Variants in BABAM2 observed in about 807,000 individuals in gnomAD.
BABAM2 encodes BRISC and BRCA1-A complex member 2.
BABAM2 carries 31 observed loss-of-function variants against 54.7 expected under a neutral mutation model. The ratio of observed to expected loss-of-function variants is 0.57; its 90% CI spans 0.43 to 0.77. BABAM2 has a LOEUF of 0.77. BABAM2 is among the 30% of genes least tolerant of loss of function. The pLI is 0.00. For synonymous variants in BABAM2, 167 were observed against 162.9 expected, an observed-to-expected ratio of 1.03 and a Z score of -0.19; for missense variants, 364 against 455.8, an observed-to-expected ratio of 0.80 and a Z score of 1.83.
chr2:27,977,560 A>C (rs1671690130), intron 3 of BABAM2, among the ~76,000 whole-genome samples: 1 of 152,228 alleles, frequency 6.6e-6, no homozygotes, highest in Non-Finnish European at 1.5e-5. Context: ...ACTACTGATG[A>C]GGCTGCCAAA....
chr2:28,158,285 C>T (rs1002836547), intron 7 of BABAM2, among the ~76,000 whole-genome samples: 2 of 152,148 alleles, frequency 1.3e-5, no homozygotes, highest in African/African-American at 4.8e-5. Context: ...AGGTTTAAAT[C>T]AGCAAGATAG....
intron 3 of BABAM2, among the ~76,000 whole-genome samples, chr2:27,957,943 G>A (rs1374949939): frequency 6.6e-6 from 1 of 152,208 alleles, no homozygotes; most frequent in Non-Finnish European, 1.5e-5. Flanking sequence ...TTGCCATGCT[G>A]TCAGGTAGCC....
At chr2:27,903,577 C>G (rs185843057) in intron 2 of BABAM2, among the ~76,000 whole-genome samples, 1 of 152,236 alleles carries the variant, frequency 6.6e-6, no homozygotes, top group African/African-American at 2.4e-5. Context: ...ATACTAGTCC[C>G]CCCTTCTCAT....
chr2:27,972,371 G>A (rs532315730), intron 3 of BABAM2, among the ~76,000 whole-genome samples: 1 of 152,248 alleles, frequency 6.6e-6, no homozygotes, highest in East Asian at 1.9e-4. Flanking sequence ...TTTTTTCAAC[G>A]GGTAATAACT....
At position 28,230,354 on chromosome 2, in the gene BABAM2, T is replaced by C. The variant is rs531606075; in HGVS notation, c.681-6848T>C. ...TCTTGAGATGGCTCAAAGTTGAATC[T>C]ATAAAATGAGTTGAGAGCTAACAAC... On this transcript the variant is annotated intron_variant, in intron 7 of 11. Coordinates refer to ENST00000379624, the MANE Select transcript of BABAM2 (RefSeq NM_199191.3). Among the ~76,000 whole-genome samples the C allele has an allele frequency of 1.1e-4, 16 of 152,218 alleles. No individual in the cohort carries two copies. In the South Asian group the frequency reaches 3.3e-3, roughly 32 times the overall value.
At chr2:27,900,536 A>G (rs1430297220) in intron 2 of BABAM2, among the ~76,000 whole-genome samples, 2 of 152,186 alleles carry the variant, frequency 1.3e-5, no homozygotes, top group Non-Finnish European at 2.9e-5. Flanking sequence ...CTTAAGATCT[A>G]TCTTCGTACT....
At chr2:28,165,916 C>T (rs1673626072) in intron 7 of BABAM2, among the ~76,000 whole-genome samples, 1 of 152,110 alleles carries the variant, frequency 6.6e-6, no homozygotes, top group Non-Finnish European at 1.5e-5. Context: ...AGCCTTAACC[C>T]CCTAGTACCT....
intron 11 of BABAM2, among the ~76,000 whole-genome samples, chr2:28,313,952 A>G (rs1234542713): frequency 2.6e-5 from 4 of 152,218 alleles, no homozygotes; most frequent in Admixed American, 2.6e-4. Flanking sequence ...AGTTCTTCTA[A>G]CAATCAAAAT....
intron 3 of BABAM2, among the ~76,000 whole-genome samples, chr2:27,957,659 A>G (rs1022971086): frequency 2.6e-5 from 4 of 152,234 alleles, no homozygotes; most frequent in African/African-American, 9.6e-5. Flanking sequence ...AAGAGACTGT[A>G]GCAGACTGTG....
chr2:28,051,939 C>T (rs991632942), intron 6 of BABAM2, among the ~76,000 whole-genome samples: 2 of 152,120 alleles, frequency 1.3e-5, no homozygotes, highest in Non-Finnish European at 2.9e-5. Flanking sequence ...CATGAGCCAC[C>T]ATGCCTGGCC....
In BABAM2 at chr2:28,034,767, A is replaced by T. The variant is rs191022999; in HGVS notation, c.495+9347A>T. 6.6e-5 allele frequency among the ~76,000 whole-genome samples: 10 copies of T among 152,288 alleles called. No homozygotes were observed. The East Asian group carries it at 1.7e-3, about 26-fold the overall frequency. ...AGTTTTTGGAGGAAAAAGAAAAAAGATATTGGCTAAAAGAGGCTGTCTCAT... is the reference window on the plus strand; with the variant it reads ...AGTTTTTGGAGGAAAAAGAAAAAAGTTATTGGCTAAAAGAGGCTGTCTCAT... On this transcript the variant is annotated intron_variant, in intron 5 of 11. Transcript: ENST00000379624.
At chr2:28,286,112 C>G (rs566171623) in intron 10 of BABAM2, among the ~76,000 whole-genome samples, 1 of 152,078 alleles carries the variant, frequency 6.6e-6, no homozygotes, top group South Asian at 2.1e-4. Context: ...GGCACCACCA[C>G]GCCCAGCTAA....
chr2:28,132,878 A>G (rs1670208262), intron 7 of BABAM2, among the ~76,000 whole-genome samples: 1 of 152,082 alleles, frequency 6.6e-6, no homozygotes, highest in African/African-American at 2.4e-5. Context: ...TCTTTTTTTT[A>G]ATGCCGTGCA....
chr2:28,140,377 A>G (rs1670933853), intron 7 of BABAM2, among the ~76,000 whole-genome samples: 1 of 152,184 alleles, frequency 6.6e-6, no homozygotes, highest in Non-Finnish European at 1.5e-5. Context: ...AAAACCTTTT[A>G]TATGGGCATA....
chr2:28,260,285 T>C (rs1319374416), intron 10 of BABAM2, among the ~76,000 whole-genome samples: 1 of 151,472 alleles, frequency 6.6e-6, no homozygotes, highest in Non-Finnish European at 1.5e-5. Flanking sequence ...GTTTTTTAAC[T>C]TTGTATTTCT....
intron 4 of BABAM2, among the ~76,000 whole-genome samples, chr2:28,018,057 T>G (rs1435777762): frequency 6.6e-6 from 1 of 152,190 alleles, no homozygotes; most frequent in African/African-American, 2.4e-5. Context: ...AATAAATTCT[T>G]TAGTGGCAAT....
At chr2:27,900,471 T>C (rs191630045) in intron 2 of BABAM2, among the ~76,000 whole-genome samples, 47 of 152,308 alleles carry the variant, frequency 3.1e-4, no homozygotes, top group Admixed American at 9.8e-4. Flanking sequence ...ACTCCATTGC[T>C]AGACCCATCA....
At chr2:28,080,905 G>T (rs1432455945) in intron 6 of BABAM2, among the ~76,000 whole-genome samples, 1 of 152,168 alleles carries the variant, frequency 6.6e-6, no homozygotes, top group African/African-American at 2.4e-5. Flanking sequence ...AGTTAGGAAA[G>T]TGTTGTGGTA....
chr2:28,145,548 A>G (rs976381871), intron 7 of BABAM2, among the ~76,000 whole-genome samples: 1 of 152,094 alleles, frequency 6.6e-6, no homozygotes, highest in Non-Finnish European at 1.5e-5. Flanking sequence ...GCCTCAGCCT[A>G]TTCTTTTATT....
Sources: gnomAD v4.1 joint callset for allele counts (sites outside exome capture counted in the v4.1 genomes callset) on GRCh38, gnomAD v4.1.1 for gene constraint, MANE v1.5 for transcripts, NCBI Gene and HGNC (gene_info 2026-07-23, HGNC 2026-07-21) for gene names.